The following SLC1A2 variants were observed in gnomAD, a reference collection of about 807,000 sequenced individuals.
SLC1A2 encodes excitatory amino acid transporter 2.
A neutral mutation model predicts 48.8 loss-of-function variants in SLC1A2; 15 were observed. That is an observed-to-expected ratio of 0.31 (90% CI 0.21 to 0.47). The LOEUF is 0.47. Ranked by LOEUF, SLC1A2 falls within the 20% of genes least tolerant of loss-of-function variation. SLC1A2 has a pLI of 0.99. For missense variants in SLC1A2, 502 were observed against 730.5 expected (o/e 0.69, Z 3.61); for synonymous variants, 279 against 272.6 (o/e 1.02, Z -0.23).
intron 1 of SLC1A2, among the ~76,000 whole-genome samples, chr11:35,342,372 C>A (rs1852867616): frequency 1.3e-5 from 2 of 152,190 alleles, no homozygotes; most frequent in South Asian, 4.1e-4. Flanking sequence ...AGATTTACCT[C>A]CAAGCTCACC....
At chr11:35,293,530 G>A (rs1851076250) in intron 6 of SLC1A2, among the ~76,000 whole-genome samples, 1 of 152,124 alleles carries the variant, frequency 6.6e-6, no homozygotes, top group Non-Finnish European at 1.5e-5. Context: ...CCCATATTTG[G>A]TAAAATCCTT....
chr11:35,377,068 T>C (rs1318421836), intron 1 of SLC1A2, among the ~76,000 whole-genome samples: 1 of 152,208 alleles, frequency 6.6e-6, no homozygotes, highest in Non-Finnish European at 1.5e-5. Flanking sequence ...AATAGGTGTA[T>C]GTCCCCCCTT....
At chr11:35,292,151 C>T (rs914648459) in intron 7 of SLC1A2, 136 bp downstream of exon 7, 1 of 703,252 alleles carries the variant, frequency 1.4e-6, no homozygotes, top group South Asian at 1.8e-5. Context: ...AAATCATTCG[C>T]CTTTTCCAAA....
At chr11:35,395,263 G>GC (rs1565300721) in intron 1 of SLC1A2, among the ~76,000 whole-genome samples, 1 of 144,604 alleles carries the variant, frequency 6.9e-6, no homozygotes, top group African/African-American at 2.5e-5. Context: ...GTTTAGGAGT[G>GC]TTTTTTTTTT....
At chr11:35,308,017 G>A (rs1417365083) in intron 4 of SLC1A2, among the ~76,000 whole-genome samples, 3 of 152,210 alleles carry the variant, frequency 2.0e-5, no homozygotes, top group African/African-American at 7.2e-5. Context: ...AGAAGCTTAT[G>A]TGAACAGCAG....
intron 1 of SLC1A2, among the ~76,000 whole-genome samples, chr11:35,328,844 G>A (rs1283922822): frequency 1.3e-5 from 2 of 152,166 alleles, no homozygotes; most frequent in Non-Finnish European, 2.9e-5. Context: ...TCCCCTCTCA[G>A]CCTCTGGACA....
At chr11:35,287,040 G>C in intron 7 of SLC1A2, 89 bp from the exon 8 acceptor site, 1 of 1,001,776 alleles carries the variant, frequency 1.0e-6, no homozygotes, top group Non-Finnish European at 1.5e-6. Flanking sequence ...TGCATCCTTA[G>C]TTTTTCTTGT....
intron 1 of SLC1A2, among the ~76,000 whole-genome samples, chr11:35,412,077 G>A (rs11033114): frequency 0.086 from 12,671 of 147,476 alleles, 1,286 homozygotes; most frequent in African/African-American, 0.24. Context: ...AAAAAGCAAA[G>A]GAAGGATCCA....
upstream of SLC1A2, chr11:35,419,877 C>T (rs1234916094): frequency 4.3e-6 from 2 of 461,070 alleles, no homozygotes; most frequent in South Asian, 1.6e-5. The surrounding 1 kb of genome is among the most constrained non-coding windows in gnomAD (Gnocchi z 5.4). Context: ...CCTCCTCACT[C>T]CCCGGAGCAC....
chr11:35,266,498 G>A (rs552493089), intron 9 of SLC1A2, among the ~76,000 whole-genome samples: 12 of 152,156 alleles, frequency 7.9e-5, no homozygotes, highest in South Asian at 6.2e-4. Context: ...CCTTCTCCCC[G>A]TCTTGAGTTG....
chr11:35,311,352 G>A (rs1467307697), intron 4 of SLC1A2, among the ~76,000 whole-genome samples: 1 of 152,092 alleles, frequency 6.6e-6, no homozygotes, highest in Non-Finnish European at 1.5e-5. Context: ...TAGAGATGGG[G>A]TTTCACCATG....
At chr11:35,316,623 G>A (rs921900532) in intron 2 of SLC1A2, 19 of 152,428 alleles carry the variant, frequency 1.2e-4, no homozygotes, top group African/African-American at 4.3e-4. Flanking sequence ...GGGTGGGAAG[G>A]ACAAGTTGTT....
intron 8 of SLC1A2, chr11:35,285,379 C>T (rs753596970): frequency 6.6e-6 from 1 of 152,214 alleles, no homozygotes; most frequent in African/African-American, 2.4e-5. Flanking sequence ...AAGAGTCCGC[C>T]ATCTCAGAGG....
intron 10 of SLC1A2, among the ~76,000 whole-genome samples, chr11:35,263,119 AAT>A (rs1165457348): frequency 6.6e-6 from 1 of 152,214 alleles, no homozygotes; most frequent in Non-Finnish European, 1.5e-5. Context: ...ACTTTCTACT[AAT>A]ATGGATAATT....
chr11:35,275,263 G>C (rs1470863175), intron 9 of SLC1A2, among the ~76,000 whole-genome samples: 1 of 152,208 alleles, frequency 6.6e-6, no homozygotes, highest in Non-Finnish European at 1.5e-5. Context: ...TGTGAGCCCA[G>C]AAAAGATCTC....
At position 35,265,142 on chromosome 11, in the gene SLC1A2, A is replaced by G. The variant is rs999435164; in HGVS notation, c.1653+385T>C. ...GTATTTTTAGTAGAGACAGGGTTTC[A>G]CCTTGTTAGCCAGGATGGTCTTGAT... On this transcript the variant is annotated intron_variant, in intron 10 of 10. Coordinates refer to ENST00000278379, the MANE Select transcript of SLC1A2 (RefSeq NM_004171.4). The G allele has an allele frequency of 1.8e-5, 4 of 224,224 alleles. No homozygotes were observed. The South Asian group carries it at 4.7e-4, about 26-fold the overall frequency. 13.9% of individuals were successfully genotyped at this position (224,224 alleles called of 1,614,324 possible).
intron 1 of SLC1A2, among the ~76,000 whole-genome samples, chr11:35,384,014 G>A (rs953208506): frequency 2.0e-5 from 3 of 152,200 alleles, no homozygotes; most frequent in African/African-American, 7.2e-5. Flanking sequence ...AAACTGTACT[G>A]CCACAACACA....
intron 5 of SLC1A2, 54 bp from the exon 6 acceptor site, chr11:35,301,699 T>G (rs1851362234): frequency 6.4e-7 from 1 of 1,554,096 alleles, no homozygotes; most frequent in Non-Finnish European, 8.8e-7. Context: ...ATGTACTTTT[T>G]CTCCCTCATT....
intron 1 of SLC1A2, among the ~76,000 whole-genome samples, chr11:35,353,146 T>C (rs1376742371): frequency 6.6e-6 from 1 of 152,186 alleles, no homozygotes; most frequent in East Asian, 1.9e-4. Flanking sequence ...AAAACTATTA[T>C]TACATTGTGA....
Sources: allele counts gnomAD v4.1 joint callset (sites outside exome capture counted in the v4.1 genomes callset), GRCh38; gene constraint gnomAD v4.1.1; non-coding constraint Gnocchi (gnomAD v3.1); transcripts MANE v1.5; gene names NCBI Gene and HGNC (gene_info 2026-07-23, HGNC 2026-07-21).